The following RXRA variants were observed in gnomAD, a reference collection of about 807,000 sequenced individuals.
RXRA encodes the protein retinoic acid receptor RXR-alpha.
Under a neutral mutation model 44.5 loss-of-function variants are expected in RXRA, and 5 were observed. The observed-to-expected ratio is 0.11, with a 90% CI of 0.06 to 0.24. The LOEUF (loss-of-function observed/expected upper bound fraction) is 0.24. Ranked by LOEUF, RXRA falls within the 10% of genes least tolerant of loss-of-function variation. RXRA has a pLI of 1.00. For missense variants in RXRA, 412 were observed against 646.5 expected (o/e 0.64, Z 3.93); for synonymous variants, 291 against 271.4 (o/e 1.07, Z -0.71).
intron 1 of RXRA, among the ~76,000 whole-genome samples, chr9:134,362,902 C>T (rs1366287910): frequency 2.6e-5 from 4 of 152,386 alleles, no homozygotes; most frequent in South Asian, 2.1e-4. Context: ...ACTCCCACAG[C>T]GTTGTCCCCA....
chr9:134,377,761 C>T (rs34835001), intron 1 of RXRA, among the ~76,000 whole-genome samples: 113,023 of 152,118 alleles, frequency 0.74, 42,259 homozygotes, highest in Non-Finnish European at 0.79. Context: ...TCTGTGTGTG[C>T]GTTTTGATCT....
intron 1 of RXRA, among the ~76,000 whole-genome samples, chr9:134,364,931 A>G (rs778555933): frequency 6.6e-6 from 1 of 152,134 alleles, no homozygotes; most frequent in Non-Finnish European, 1.5e-5. Flanking sequence ...TGAATGTTAC[A>G]TAGATGAGGC....
At position 134,421,658 on chromosome 9, in the gene RXRA, C is replaced by T. The variant is rs563645364; in HGVS notation, c.781-18C>T. 65 of 1,553,366 alleles carry T rather than the reference C, an allele frequency of 4.2e-5. No individual in the cohort carries two copies. In the South Asian group the frequency reaches 7.5e-4, roughly 18 times the overall value. Reference sequence around the variant, plus strand: ...GGCTTCTGGGACTGAATGTCCTGCTCTTCTTCCTCCACTGCAGCCGAACGA... The same window carrying T: ...GGCTTCTGGGACTGAATGTCCTGCTTTTCTTCCTCCACTGCAGCCGAACGA... On this transcript the variant is annotated intron_variant, in intron 5 of 9. Coordinates refer to ENST00000481739, the MANE Select transcript of RXRA (RefSeq NM_002957.6).
Position 134,342,925 on chromosome 9 carries a change from G to A in RXRA, c.28+16266G>A, listed in dbSNP as rs1830103861. ...GGCATGACTGCGGATGCAGGCACGT[G>A]TGGGTGCTGGGGATTGTCTGGTAAT... On this transcript the variant is annotated intron_variant, in intron 1 of 9. Coordinates refer to ENST00000481739, the MANE Select transcript of RXRA (RefSeq NM_002957.6). This position sits in a 1 kb window ranked among gnomAD's most constrained non-coding sequence, Gnocchi z 4.4. 6.6e-6 allele frequency among the ~76,000 whole-genome samples: 1 copy of A among 152,194 alleles called. No homozygotes were observed. Among genetic ancestry groups the A allele is most frequent in the Admixed American group, 6.5e-5 (1 of 15,286 alleles).
chr9:134,401,878 CCCA>C lies in RXRA; in HGVS notation c.276_278del (p.Gln93del). On this transcript the variant is annotated inframe_deletion and splice_region_variant, in exon 2 of 10. Coordinates refer to ENST00000481739, the MANE Select transcript of RXRA (RefSeq NM_002957.6). ...ACCCTGGGCTTCAGCACTGGCAGCC[CCCA>C]GGTGAGTGCGGGGCTGGGGCAAGGG... is the stretch of plus-strand genomic sequence containing the variant. 1 of 1,608,044 alleles carries C rather than the reference CCCA, an allele frequency of 6.2e-7. No homozygotes were observed. The highest frequency in any genetic ancestry group is 1.3e-5 in the African/African-American group (1 of 74,920).
chr9:134,431,738 C>T lies in RXRA; in HGVS notation c.1044-167C>T, dbSNP rs1009638373. 1.0e-4 allele frequency among the ~76,000 whole-genome samples: 15 copies of T among 146,684 alleles called. 1 individual carries two copies. Among genetic ancestry groups the T allele is most frequent in the African/African-American group, 4.1e-4 (15 of 36,258 alleles). On this transcript the variant is annotated intron_variant, in intron 7 of 9. Coordinates refer to ENST00000481739, the MANE Select transcript of RXRA (RefSeq NM_002957.6). ...CAGGGGCGGCACCTGGGCCTGGGTT[C>T]CAGCCCACTCCCTCTCGGGGTGTCT...
intron 8 of RXRA, 55 bp from the exon 9 acceptor site, chr9:134,434,047 G>A: frequency 7.2e-7 from 1 of 1,389,426 alleles, no homozygotes; most frequent in Admixed American, 1.8e-5. Flanking sequence ...CCTGGGGGCA[G>A]GTGCCCGAGA....
chr9:134,393,980 A>G (rs138287060), intron 1 of RXRA, among the ~76,000 whole-genome samples: 17 of 152,024 alleles, frequency 1.1e-4, no homozygotes, highest in African/African-American at 4.1e-4. Context: ...AGTATGGCCA[A>G]GAGGACCCAA....
At chr9:134,332,086 G>A (rs1203941609) in intron 1 of RXRA, among the ~76,000 whole-genome samples, 1 of 152,048 alleles carries the variant, frequency 6.6e-6, no homozygotes, top group African/African-American at 2.4e-5. Context: ...CTAAGGAGTG[G>A]CGACCCCTTG....
intron 1 of RXRA, among the ~76,000 whole-genome samples, chr9:134,332,986 G>C (rs1046509617): frequency 6.6e-6 from 1 of 152,154 alleles, no homozygotes; most frequent in Non-Finnish European, 1.5e-5. Context: ...GCACGGGTAT[G>C]GGTGAGGCAC....
At chr9:134,430,429 A>G (rs1385953983) in intron 7 of RXRA, among the ~76,000 whole-genome samples, 1 of 152,236 alleles carries the variant, frequency 6.6e-6, no homozygotes, top group Non-Finnish European at 1.5e-5. Flanking sequence ...CGGCACTTAC[A>G]GGGGGATTAA....
chr9:134,401,337 C>T (rs1024067014), intron 1 of RXRA: 7 of 444,548 alleles, frequency 1.6e-5, no homozygotes, highest in Admixed American at 4.0e-5. Context: ...AGGGTTGGAG[C>T]GACCCAGGCG....
intron 1 of RXRA, among the ~76,000 whole-genome samples, chr9:134,351,264 C>T (rs1189375915): frequency 1.3e-5 from 2 of 152,226 alleles, no homozygotes; most frequent in Non-Finnish European, 2.9e-5. Context: ...GGGCGAGTGC[C>T]TGGCCCTGTG....
At chr9:134,333,486 G>A (rs3818732) in intron 1 of RXRA, among the ~76,000 whole-genome samples, 58,399 of 152,052 alleles carry the variant, frequency 0.38, 12,678 homozygotes, top group African/African-American at 0.59. Context: ...GCTGCCGTGC[G>A]TGCGGGGTCT....
At position 134,407,256 on chromosome 9, in the gene RXRA, G is replaced by T. The variant is rs1831066622; in HGVS notation, c.280-893G>T. ...CCGTGAGAAGGGGGGATGGGATTTG[G>T]AGGCCTGAGGAAGGAAGGAGGGGAG... On this transcript the variant is annotated intron_variant, in intron 2 of 9. Transcript: ENST00000481739. This position sits in a 1 kb window ranked among gnomAD's most constrained non-coding sequence, Gnocchi z 4.8. Among the ~76,000 whole-genome samples, 1 of 152,248 alleles carries T rather than the reference G, an allele frequency of 6.6e-6. No individual in the cohort carries two copies.
At chr9:134,327,173 C>A (rs2119000531) in intron 1 of RXRA, among the ~76,000 whole-genome samples, 1 of 152,236 alleles carries the variant, frequency 6.6e-6, no homozygotes, top group South Asian at 2.1e-4. Context: ...ACCCTGTTAT[C>A]CCCAAAGCAG....
chr9:134,411,530 C>T lies in RXRA; in HGVS notation c.610+2411C>T, dbSNP rs920290232. 9.2e-5 allele frequency among the ~76,000 whole-genome samples: 14 copies of T among 152,334 alleles called. No homozygotes were observed. The East Asian group carries it at 1.7e-3, about 19-fold the overall frequency. On this transcript the variant is annotated intron_variant, in intron 4 of 9. Coordinates refer to ENST00000481739, the MANE Select transcript of RXRA (RefSeq NM_002957.6). Reference sequence around the variant, plus strand: ...GGGAGGTCTAAGGGCCAGCACCAGGCGTGGCCCCCATTTCTTGCCGGTCCT... The same window carrying T: ...GGGAGGTCTAAGGGCCAGCACCAGGTGTGGCCCCCATTTCTTGCCGGTCCT...
chr9:134,425,163 G>T, intron 6 of RXRA: 1 of 985,416 alleles, frequency 1.0e-6, no homozygotes, highest in Non-Finnish European at 1.2e-6. Flanking sequence ...CCACAGCCCT[G>T]CAGGGGCCCA....
At chr9:134,361,435 T>C (rs1416711028) in intron 1 of RXRA, among the ~76,000 whole-genome samples, 1 of 152,150 alleles carries the variant, frequency 6.6e-6, no homozygotes. Flanking sequence ...CTTGCCTACC[T>C]GGTGCCGACC....
Sources: allele counts gnomAD v4.1 joint callset (sites outside exome capture counted in the v4.1 genomes callset), GRCh38; gene constraint gnomAD v4.1.1; non-coding constraint Gnocchi (gnomAD v3.1); transcripts MANE v1.5; gene names NCBI Gene and HGNC (gene_info 2026-07-23, HGNC 2026-07-21).